The following EYS variants were observed in gnomAD, a reference collection of about 807,000 sequenced individuals.
EYS encodes the protein EGF-like photoreceptor maintenance factor.
EYS carries 250 observed loss-of-function variants against 282.1 expected under a neutral mutation model. The ratio of observed to expected loss-of-function variants is 0.89; its 90% CI spans 0.80 to 0.98. The LOEUF is 0.98. Among genes scored for constraint, EYS ranks in the 50% least tolerant of loss-of-function variants. The pLI is 0.00. For missense variants in EYS, 4,016 were observed against 3,709.0 expected (o/e 1.08, Z -2.15); for synonymous variants, 1,355 against 1,282.9 (o/e 1.06, Z -1.20).
intron 14 of EYS, among the ~76,000 whole-genome samples, chr6:64,980,637 T>A (rs1770628345): frequency 6.6e-6 from 1 of 151,428 alleles, no homozygotes; most frequent in African/African-American, 2.4e-5. Context: ...TGTAGGTTTA[T>A]ATGTTGTATA....
At chr6:64,256,772 A>G (rs1582494582) in intron 30 of EYS, among the ~76,000 whole-genome samples, 1 of 152,072 alleles carries the variant, frequency 6.6e-6, no homozygotes, top group African/African-American at 2.4e-5. Context: ...GCTAGGGAAC[A>G]TGACCTACCA....
chr6:65,118,877 GGA>G (rs1491538008), intron 12 of EYS, among the ~76,000 whole-genome samples: 32 of 89,156 alleles, frequency 3.6e-4, no homozygotes, highest in African/African-American at 5.0e-4. Flanking sequence ...GGTTCTTTAA[GGA>G]AAAAAAAAAA....
chr6:63,827,813 C>T (rs1265534693), intron 36 of EYS, among the ~76,000 whole-genome samples: 2 of 145,232 alleles, frequency 1.4e-5, no homozygotes. Context: ...CACTGCAGTC[C>T]ACAGTCCGGC....
At chr6:64,884,812 T>C (rs1476572697) in intron 19 of EYS, among the ~76,000 whole-genome samples, 1 of 151,676 alleles carries the variant, frequency 6.6e-6, no homozygotes, top group Non-Finnish European at 1.5e-5. Flanking sequence ...ATTTTTTCTA[T>C]ATTCAACTGT....
intron 7 of EYS, among the ~76,000 whole-genome samples, chr6:65,390,184 T>C (rs537313326): frequency 6.6e-6 from 1 of 151,380 alleles, no homozygotes; most frequent in South Asian, 2.1e-4. Flanking sequence ...ATTAGCAAAA[T>C]AATTATCAAA....
intron 41 of EYS, among the ~76,000 whole-genome samples, chr6:63,742,947 G>A (rs1312587907): frequency 6.6e-6 from 1 of 152,050 alleles, no homozygotes; most frequent in Non-Finnish European, 1.5e-5. Context: ...ATGTGATTTT[G>A]TGTGGACGTA....
intron 22 of EYS, among the ~76,000 whole-genome samples, chr6:64,689,357 A>ATG (rs1254387290): frequency 6.6e-6 from 1 of 152,162 alleles, no homozygotes; most frequent in Non-Finnish European, 1.5e-5. Context: ...CCATGCTCTC[A>ATG]GATAGGAAGA....
At chr6:65,416,083 A>G (rs1209663104) in intron 5 of EYS, among the ~76,000 whole-genome samples, 1 of 151,990 alleles carries the variant, frequency 6.6e-6, no homozygotes, top group African/African-American at 2.4e-5. Flanking sequence ...AGAGAAAGGC[A>G]TCACAAGGAG....
chr6:64,660,524 G>A lies in EYS; in HGVS notation c.3444-34279C>T, dbSNP rs1583009921. Among the ~76,000 whole-genome samples, 3 of 151,890 alleles carry A rather than the reference G, an allele frequency of 2.0e-5. No individual in the cohort carries two copies. The East Asian group carries it at 5.8e-4, about 29-fold the overall frequency. On this transcript the variant is annotated intron_variant, in intron 22 of 42. Transcript: ENST00000503581. ...GCCCAAAATCTCCTTAAGCTGATAA[G>A]CAACTTCAGCAAAGTCTCAGGATAC...
At chr6:65,272,322 CT>C (rs1441747132) in intron 12 of EYS, among the ~76,000 whole-genome samples, 2 of 152,142 alleles carry the variant, frequency 1.3e-5, no homozygotes, top group Non-Finnish European at 2.9e-5. Context: ...AGAGTGTTCC[CT>C]TGACTTTGAC....
At chr6:63,807,251 G>A (rs1470375005) in intron 36 of EYS, among the ~76,000 whole-genome samples, 1 of 152,146 alleles carries the variant, frequency 6.6e-6, no homozygotes, top group Non-Finnish European at 1.5e-5. Flanking sequence ...ATTAAGGGAT[G>A]TTCCTAGGAT....
chr6:65,572,769 G>A (rs1236695696), intron 2 of EYS, among the ~76,000 whole-genome samples: 3 of 152,072 alleles, frequency 2.0e-5, no homozygotes, highest in East Asian at 1.9e-4. Context: ...TTTGCTAAGC[G>A]AAACATTAAT....
intron 16 of EYS, among the ~76,000 whole-genome samples, chr6:64,903,539 T>C (rs1767731961): frequency 6.6e-6 from 1 of 152,168 alleles, no homozygotes; most frequent in Admixed American, 6.6e-5. Context: ...CTCATATCAC[T>C]TTTTCTTCTC....
At chr6:65,021,405 C>T (rs1215218173) in intron 13 of EYS, among the ~76,000 whole-genome samples, 1 of 152,198 alleles carries the variant, frequency 6.6e-6, no homozygotes, top group Non-Finnish European at 1.5e-5. Flanking sequence ...CCAACAAGTT[C>T]CTCATCTCCA....
At chr6:65,265,289 C>T (rs1014806149) in intron 12 of EYS, among the ~76,000 whole-genome samples, 3 of 151,928 alleles carry the variant, frequency 2.0e-5, no homozygotes, top group Non-Finnish European at 2.9e-5. Flanking sequence ...ATTTGTTTTT[C>T]CTTTGTTATC....
chr6:65,668,020 G>A (rs895051272), intron 1 of EYS, among the ~76,000 whole-genome samples: 2 of 151,878 alleles, frequency 1.3e-5, no homozygotes, highest in African/African-American at 4.8e-5. Flanking sequence ...CACCATTGAA[G>A]TAGTATCAGT....
intron 2 of EYS, among the ~76,000 whole-genome samples, chr6:65,541,751 G>A (rs1162667111): frequency 6.6e-6 from 1 of 151,878 alleles, no homozygotes; most frequent in Non-Finnish European, 1.5e-5. Flanking sequence ...GATCTTGTAT[G>A]CTGCCCAACA....
chr6:64,405,296 A>G (rs946357870), intron 28 of EYS, among the ~76,000 whole-genome samples: 3 of 152,154 alleles, frequency 2.0e-5, no homozygotes, highest in Admixed American at 6.5e-5. Flanking sequence ...TGTTCAGTGG[A>G]TGTTAGTTTT....
intron 32 of EYS, among the ~76,000 whole-genome samples, chr6:64,072,270 T>G (rs570115111): frequency 6.6e-6 from 1 of 152,096 alleles, no homozygotes; most frequent in African/African-American, 2.4e-5. Context: ...CATCTGGGTT[T>G]ATCACTTCTG....
Sources: allele counts gnomAD v4.1 joint callset (sites outside exome capture counted in the v4.1 genomes callset), GRCh38; gene constraint gnomAD v4.1.1; transcripts MANE v1.5; gene names NCBI Gene and HGNC (gene_info 2026-07-23, HGNC 2026-07-21).